Variants in MYH6 observed in about 807,000 individuals in gnomAD.
MYH6 encodes the protein myosin-6.
A neutral mutation model predicts 223.2 loss-of-function variants in MYH6; 126 were observed. The observed-to-expected ratio is 0.56, with a 90% CI of 0.49 to 0.65. MYH6 has a LOEUF of 0.65. Ranked by LOEUF, MYH6 falls within the 30% of genes least tolerant of loss-of-function variation. The pLI, the probability that MYH6 is intolerant of heterozygous loss-of-function variation, is 0.00. For missense variants in MYH6, 2,040 were observed against 2,536.4 expected (o/e 0.80, Z 4.20); for synonymous variants, 978 against 1,010.2 (o/e 0.97, Z 0.61).
intron 8 of MYH6, 38 bp downstream of exon 8, chr14:23,404,258 G>A: frequency 6.2e-7 from 1 of 1,608,302 alleles, no homozygotes; most frequent in South Asian, 1.1e-5. Context: ...TCTTGTCAAG[G>A]CTGGATGAGG....
In MYH6 at chr14:23,383,318, T is replaced by C; in HGVS notation, c.5568A>G (p.Thr1856=). ...ERRIKELTYQ[T]EEDKKNLLRL... ...GCAGCAGGTTCTTTTTGTCTTCCTC[T>C]GTCTGGGGGTGGGAGGGTGGGAGAA... Residue 1856 remains threonine, a splice_region_variant and synonymous_variant, in exon 37 of 39, where the codon ACA becomes ACG. Transcript: ENST00000405093. The C allele has an allele frequency of 2.4e-6, 1 of 424,332 alleles. No homozygotes were observed. The highest frequency in any genetic ancestry group is 4.7e-6 in the Non-Finnish European group (1 of 213,800). The allele number at this position is 424,332 out of a possible 1,614,324, so 26.3% of individuals were successfully genotyped here.
intron 20 of MYH6, 129 bp downstream of exon 20, chr14:23,396,155 C>A (rs1022209293): frequency 9.9e-6 from 11 of 1,114,086 alleles, no homozygotes; most frequent in Admixed American, 1.8e-5. Flanking sequence ...CAATGAGATT[C>A]GAAGTGGTAA....
chr14:23,408,149 T>A, intron 1 of MYH6, 104 bp downstream of exon 1: 6 of 801,340 alleles, frequency 7.5e-6, no homozygotes, highest in Middle Eastern at 1.3e-3. Context: ...ATAGAGCCCT[T>A]AGGCCTCCAA....
chr14:23,397,311 C>G, intron 16 of MYH6, 54 bp from the exon 17 acceptor site: 1 of 1,532,872 alleles, frequency 6.5e-7, no homozygotes, highest in Non-Finnish European at 9.0e-7. Flanking sequence ...TCCCTTAGGC[C>G]CTTAAACCCT....
rs441636 is a variant in MYH6 at position 23,393,761 on chromosome 14, G to A, written c.2833C>T (p.Leu945=). 6.2e-7 allele frequency: 1 copy of A among 1,614,176 alleles called. No individual in the cohort carries two copies. ...TTGAGCTCTGAGCACTCGTCTTCCA[G>A]CTTGCGCTTCTTGGCAGTGAGCTCC... ...NAELTAKKRK[L]EDECSELKKD... is the part of the protein sequence containing the mutation. The change falls in exon 22 of 39, where the codon CTG becomes TTG. Residue 945 remains leucine (L), a synonymous_variant. Transcript: ENST00000405093.
chr14:23,383,784 A>G (rs1301617382), intron 36 of MYH6, among the ~76,000 whole-genome samples: 1 of 152,220 alleles, frequency 6.6e-6, no homozygotes, highest in African/African-American at 2.4e-5. Context: ...AGGCATCGGG[A>G]TCACTGGCTC....
chr14:23,385,835 G>T, intron 34 of MYH6, 93 bp downstream of exon 34: 1 of 1,553,820 alleles, frequency 6.4e-7, no homozygotes, highest in Non-Finnish European at 8.9e-7. Flanking sequence ...TGTGACCCTG[G>T]CTAGATGTGC....
chr14:23,406,971 T>A, intron 3 of MYH6, 52 bp downstream of exon 3: 1 of 1,593,902 alleles, frequency 6.3e-7, no homozygotes, highest in Non-Finnish European at 8.6e-7. Context: ...CACCTCTGCA[T>A]CTTCTTTCCC....
In MYH6 at chr14:23,397,615, T is replaced by C. The variant is rs1891438337; in HGVS notation, c.1892-2A>G. ...CTCCTTTGCTTTTACCACTGTCCCC[T>C]AAACAGCGAGAGGAGAAATAATCAA... On this transcript the variant is annotated splice_acceptor_variant, in intron 15 of 38. Transcript: ENST00000405093. LOFTEE classifies it high-confidence loss of function. 2 of 1,614,072 alleles carry C rather than the reference T, an allele frequency of 1.2e-6. No homozygotes were observed. Among genetic ancestry groups the C allele is most frequent in the South Asian group, 1.1e-5 (1 of 91,082 alleles).
At chr14:23,387,376 C>A (rs1187107159) in intron 32 of MYH6, among the ~76,000 whole-genome samples, 153 bp downstream of exon 32, 3 of 152,134 alleles carry the variant, frequency 2.0e-5, no homozygotes, top group Non-Finnish European at 2.9e-5. Context: ...GCTTTGGAGG[C>A]AGTCATGGGT....
chr14:23,396,839 G>C (rs370576586), intron 18 of MYH6, 22 bp from the exon 19 acceptor site: 1 of 1,613,864 alleles, frequency 6.2e-7, no homozygotes, highest in Non-Finnish European at 8.5e-7. Context: ...AGTGTCCAGA[G>C]TCACCCATGC....
At chr14:23,388,781 C>G in intron 29 of MYH6, 78 bp downstream of exon 29, 2 of 1,603,470 alleles carry the variant, frequency 1.2e-6, no homozygotes, top group Non-Finnish European at 1.7e-6. Flanking sequence ...GTCTCATGAC[C>G]ACTTTGCCTG....
At chr14:23,388,043 C>A in intron 30 of MYH6, 112 bp downstream of exon 30, 3 of 1,607,516 alleles carry the variant, frequency 1.9e-6, no homozygotes, top group South Asian at 2.2e-5. Context: ...TGGTCCCGAG[C>A]CTGGGCTTAG....
chr14:23,393,379 G>A lies in MYH6; in HGVS notation c.3068C>T (p.Ser1023Phe), dbSNP rs748082713. ...CTGCTCCAGCTTGACCTTAGACTTG[G>A]ACAGGCTGTTGACCTTGTCTTCCTC... ...QVEEDKVNSL[S>F]KSKVKLEQQV... The change falls in exon 23 of 39, where the codon TCC (serine) becomes TTC (phenylalanine). Residue 1023 changes from serine to phenylalanine, a missense_variant. Transcript: ENST00000405093. 2 of 1,614,162 alleles carry A rather than the reference G, an allele frequency of 1.2e-6. No individual in the cohort carries two copies. The highest frequency in any genetic ancestry group is 1.3e-5 in the African/African-American group (1 of 75,042).
Position 23,404,776 on chromosome 14 carries a change from G to T in MYH6, c.577C>A (p.Gln193Lys). The change falls in exon 7 of 39, where the codon CAG becomes AAG. Residue 193 changes from glutamine (Q) to lysine (K), a missense_variant. By Grantham distance (53) the Gln-to-Lys change is moderately conservative (BLOSUM62 1). This residue lies in a region of MYH6 where 649 missense variants were observed against 877.3 expected (regional missense o/e 0.74). Transcript: ENST00000405093. Reference protein sequence around the residue: ...GKTVNTKRVIQYFASIAAIGD... With the variant: ...GKTVNTKRVIKYFASIAAIGD... ...ATGGCTGCAATGCTGGCAAAGTACT[G>T]GATGACACGCTTGGTGTTCACAGTC... 6.2e-7 allele frequency: 1 copy of T among 1,614,128 alleles called. No homozygotes were observed. The highest frequency in any genetic ancestry group is 8.5e-7 in the Non-Finnish European group (1 of 1,180,016).
chr14:23,399,922 G>A (rs1235889563), intron 14 of MYH6: 2 of 383,892 alleles, frequency 5.2e-6, no homozygotes, highest in Non-Finnish European at 9.9e-6. Context: ...GAAGGTGGTG[G>A]GAGGCCAAAC....
In MYH6 at chr14:23,385,987, T is replaced by C. The variant is rs1365969171; in HGVS notation, c.5104A>G (p.Lys1702Glu). The stretch of plus-strand genomic sequence containing the variant: ...TCAATCAGCTCCTGCTCCGCCAGCT[T>C]CCGGGACCGCTCTGTCTGCTCCACC... ...AVVEQTERSR[K>E]LAEQELIETS... is the part of the protein sequence containing the mutation. The change falls in exon 34 of 39, where the codon AAG becomes GAG. Residue 1702 changes from lysine (K) to glutamate (E), a missense_variant. Transcript: ENST00000405093. 6.2e-7 allele frequency: 1 copy of C among 1,614,070 alleles called. No homozygotes were observed.
rs545185478 is a variant in MYH6, at chr14:23,401,895, T to G, written c.1141+569A>C. Among the ~76,000 whole-genome samples the G allele has an allele frequency of 4.2e-4, 64 of 152,352 alleles. 1 individual carries two copies. In the South Asian group the frequency reaches 0.011, roughly 27 times the overall value. On this transcript the variant is annotated intron_variant, in intron 12 of 38. Transcript: ENST00000405093. ...TGGTGTGTTATCATGAACCCCAGCT[T>G]GACACTTTGATCTGGGCAGACTTGG...
Position 23,392,563 on chromosome 14 carries a change from TG to T in MYH6, c.3340del (p.Gln1114ArgfsTer52). 6.2e-7 allele frequency: 1 copy of T among 1,611,124 alleles called. No homozygotes were observed. Among genetic ancestry groups the T allele is most frequent in the Non-Finnish European group, 8.5e-7 (1 of 1,177,442 alleles). On this transcript the variant is annotated frameshift_variant and splice_region_variant, in exon 25 of 39. Coordinates refer to ENST00000405093, the MANE Select transcript of MYH6 (RefSeq NM_002471.4). LOFTEE classifies it high-confidence loss of function. ...TCATGCACTGGGAAAAAAAGTCACC[TG>T]GTTTTCCTTCAGTTTCTTCTGTAGT... ...LQLQKKLKEN[Q>X]ARIEELEEEL...
Sources: gnomAD v4.1 joint callset for allele counts (sites outside exome capture counted in the v4.1 genomes callset) on GRCh38, gnomAD v4.1.1 for gene constraint, gnomAD v4.1.1 regional missense constraint, MANE v1.5 for transcripts, NCBI Gene and HGNC (gene_info 2026-07-23, HGNC 2026-07-21) for gene names.